COX7B2: variants seen among roughly 807,000 people sequenced by gnomAD.
COX7B2 encodes cytochrome c oxidase subunit 7B2.
For synonymous variants in COX7B2, 37 were observed against 32.1 expected (o/e 1.15, Z -0.51); for missense variants, 109 against 95.9 (o/e 1.14, Z -0.57).
chr4:46,796,487 G>C (rs1358442816), intron 2 of COX7B2, among the ~76,000 whole-genome samples: 1 of 126,584 alleles, frequency 7.9e-6, no homozygotes, highest in East Asian at 2.2e-4. Context: ...CTTTTACACT[G>C]TTGGTGGGAC....
intron 1 of COX7B2, among the ~76,000 whole-genome samples, chr4:46,872,870 C>T (rs1232891904): frequency 6.6e-6 from 1 of 152,022 alleles, no homozygotes; most frequent in Non-Finnish European, 1.5e-5. Flanking sequence ...ATGTGCAGAA[C>T]ATGCAGTTTT....
rs1363287846 is a variant in COX7B2, at chr4:46,759,823, AG to A, written c.-49-24583del. ...AGTCATATCTTATATAAGTTATATA[AG>A]TCATATCTTATATAAGTTATATAAG... On this transcript the variant is annotated intron_variant, in intron 2 of 2. Transcript: ENST00000355591. 2.3e-3 allele frequency among the ~76,000 whole-genome samples: 171 copies of A among 74,798 alleles called. 1 individual carries two copies. The highest frequency in any genetic ancestry group is 7.0e-3 in the African/African-American group (162 of 23,110). 49.1% of individuals were successfully genotyped at this position (74,798 alleles called of 152,430 possible).
At chr4:46,907,848 C>CTTTTGTTTTTTTTTTTTTTTTT (rs1720494376) in intron 1 of COX7B2, among the ~76,000 whole-genome samples, 1 of 59,730 alleles carries the variant, frequency 1.7e-5, no homozygotes, top group Admixed American at 2.4e-4. Flanking sequence ...TTTGAGCAGA[C>CTTTTGTTTTTTTTTTTTTTTTT]TTTTTTTTTT....
At chr4:46,761,289 C>T (rs1202883392) in intron 2 of COX7B2, among the ~76,000 whole-genome samples, 1 of 152,086 alleles carries the variant, frequency 6.6e-6, no homozygotes, top group East Asian at 1.9e-4. Context: ...AGCAGGGGGC[C>T]ACCTAAATGG....
chr4:46,879,747 C>A (rs1033083338), intron 1 of COX7B2, among the ~76,000 whole-genome samples: 1 of 149,738 alleles, frequency 6.7e-6, no homozygotes, highest in Non-Finnish European at 1.5e-5. Flanking sequence ...CCAATTGAGA[C>A]ATATTTTGTT....
intron 2 of COX7B2, among the ~76,000 whole-genome samples, chr4:46,843,324 A>G (rs755318015): frequency 7.2e-5 from 11 of 152,040 alleles, no homozygotes; most frequent in Non-Finnish European, 1.3e-4. Flanking sequence ...CTGGCATATA[A>G]TAAGTTTTAA....
chr4:46,844,430 A>G (rs1383086664), intron 2 of COX7B2, among the ~76,000 whole-genome samples: 1 of 151,974 alleles, frequency 6.6e-6, no homozygotes, highest in Non-Finnish European at 1.5e-5. Context: ...CCGGCAAAAA[A>G]GGCCCATCAC....
At chr4:46,781,134 C>G (rs1717425199) in intron 2 of COX7B2, among the ~76,000 whole-genome samples, 1 of 152,032 alleles carries the variant, frequency 6.6e-6, no homozygotes, top group South Asian at 2.1e-4. Context: ...AGTAGACTTA[C>G]TATTAGAAGG....
chr4:46,856,683 G>A (rs1717026794), intron 1 of COX7B2, among the ~76,000 whole-genome samples: 1 of 152,134 alleles, frequency 6.6e-6, no homozygotes, highest in Non-Finnish European at 1.5e-5. Flanking sequence ...TCAGAAAAGG[G>A]TGAAATTAAT....
chr4:46,774,599 C>G (rs1483037826), intron 2 of COX7B2, among the ~76,000 whole-genome samples: 1 of 151,988 alleles, frequency 6.6e-6, no homozygotes, highest in East Asian at 1.9e-4. Flanking sequence ...TTTGTTGGTA[C>G]TGATGGCTAT....
chr4:46,809,243 AG>A (rs1195414663), intron 2 of COX7B2, among the ~76,000 whole-genome samples: 1 of 151,476 alleles, frequency 6.6e-6, no homozygotes, highest in Non-Finnish European at 1.5e-5. Flanking sequence ...AAAAGCTCTT[AG>A]TTTTATTTAC....
rs576962016 is a variant in COX7B2 at position 46,795,128 on chromosome 4, A to C, written c.-50+49832T>G. Among the ~76,000 whole-genome samples, 2 of 129,546 alleles carry C rather than the reference A, an allele frequency of 1.5e-5. 1 individual carries two copies. The highest frequency in any genetic ancestry group is 6.7e-5 in the African/African-American group (2 of 30,054). The allele number at this position is 129,546 out of a possible 152,430, so 85.0% of individuals were successfully genotyped here. ...TTTGTCAGATGAGTAGGTTGCAAAA[A>C]TTTTCTCCCATGTTGTAGGTTGCCT... On this transcript the variant is annotated intron_variant, in intron 2 of 2. Transcript: ENST00000355591.
At chr4:46,892,327 A>T (rs1719475828) in intron 1 of COX7B2, among the ~76,000 whole-genome samples, 1 of 152,220 alleles carries the variant, frequency 6.6e-6, no homozygotes, top group Non-Finnish European at 1.5e-5. Flanking sequence ...CACATGAGTT[A>T]TTATATGTAG....
At chr4:46,804,641 G>A (rs1278033283) in intron 2 of COX7B2, among the ~76,000 whole-genome samples, 2 of 152,200 alleles carry the variant, frequency 1.3e-5, no homozygotes, top group African/African-American at 4.8e-5. Flanking sequence ...TAGACACAGG[G>A]TGCTGCTTGG....
intron 1 of COX7B2, among the ~76,000 whole-genome samples, chr4:46,882,831 T>A (rs192920038): frequency 3.0e-4 from 46 of 152,306 alleles, no homozygotes; most frequent in African/African-American, 1.1e-3. Context: ...TTTTCATGAG[T>A]CTTCTGATTT....
intron 2 of COX7B2, among the ~76,000 whole-genome samples, chr4:46,843,780 A>G (rs1716094680): frequency 6.6e-6 from 1 of 152,024 alleles, no homozygotes; most frequent in South Asian, 2.1e-4. Flanking sequence ...TGCAATTATC[A>G]AATATACAGA....
chr4:46,816,470 T>C (rs1719556002), intron 2 of COX7B2, among the ~76,000 whole-genome samples: 1 of 152,204 alleles, frequency 6.6e-6, no homozygotes, highest in Non-Finnish European at 1.5e-5. Flanking sequence ...ACTTTACTCA[T>C]AACTCTTTAA....
intron 2 of COX7B2, among the ~76,000 whole-genome samples, chr4:46,819,511 A>T (rs138633417): frequency 5.0e-4 from 76 of 151,648 alleles, no homozygotes; most frequent in Non-Finnish European, 8.7e-4. Flanking sequence ...CACATAAAAT[A>T]CACTAAAACT....
intron 1 of COX7B2, among the ~76,000 whole-genome samples, chr4:46,879,148 G>C (rs943472375): frequency 6.6e-6 from 1 of 151,648 alleles, no homozygotes; most frequent in African/African-American, 2.4e-5. Flanking sequence ...TTTTGAGACA[G>C]GATCTTACTC....
Sources: gnomAD v4.1 joint callset for allele counts (sites outside exome capture counted in the v4.1 genomes callset) on GRCh38, gnomAD v4.1.1 for gene constraint, MANE v1.5 for transcripts, NCBI Gene and HGNC (gene_info 2026-07-23, HGNC 2026-07-21) for gene names.